PLEKHA7: variants seen among roughly 807,000 people sequenced by gnomAD.
PLEKHA7 encodes pleckstrin homology domain-containing family A member 7.
A neutral mutation model predicts 170.0 loss-of-function variants in PLEKHA7; 104 were observed. That is an observed-to-expected ratio of 0.61 (90% CI 0.52 to 0.72). PLEKHA7 has a LOEUF of 0.72. PLEKHA7 is among the 30% of genes least tolerant of loss of function. PLEKHA7 has a pLI of 0.00. For missense variants in PLEKHA7, 1,615 were observed against 1,671.7 expected, an observed-to-expected ratio of 0.97 and a Z score of 0.59; for synonymous variants, 648 against 660.8, an observed-to-expected ratio of 0.98 and a Z score of 0.30.
At chr11:16,805,878 C>T (rs1225005729) in intron 13 of PLEKHA7, among the ~76,000 whole-genome samples, 2 of 152,002 alleles carry the variant, frequency 1.3e-5, no homozygotes, top group South Asian at 2.1e-4. Flanking sequence ...ACTATAAGCT[C>T]GACTGACACG....
intron 13 of PLEKHA7, chr11:16,803,644 G>T: frequency 3.4e-6 from 1 of 294,688 alleles, no homozygotes. Flanking sequence ...CGATAAGACA[G>T]AGGTGTACTA....
Position 16,790,818 on chromosome 11 carries a change from T to C in PLEKHA7, c.3032A>G (p.Tyr1011Cys), listed in dbSNP as rs1590127351. Reference sequence around the variant, plus strand: ...CTTACCTCTGCCTGGCAGCGTCTGGTACCTGCTCTCAGGGCCCACAAGTCC... The same window carrying C: ...CTTACCTCTGCCTGGCAGCGTCTGGCACCTGCTCTCAGGGCCCACAAGTCC... ...SLGLVGPESR[Y>C]QTLPGRGLSG... The change falls in exon 21 of 27, where the codon TAC becomes TGC. Residue 1011 changes from tyrosine to cysteine, a missense_variant. Coordinates refer to ENST00000531066, the MANE Select transcript of PLEKHA7 (RefSeq NM_001329630.2). 6.2e-7 allele frequency: 1 copy of C among 1,608,942 alleles called. No individual in the cohort carries two copies. The highest frequency in any genetic ancestry group is 8.5e-7 in the Non-Finnish European group (1 of 1,177,914).
intron 3 of PLEKHA7, among the ~76,000 whole-genome samples, chr11:16,966,654 G>A (rs1270095505): frequency 6.6e-6 from 1 of 152,038 alleles, no homozygotes; most frequent in African/African-American, 2.4e-5. Context: ...TCCAAGTGGA[G>A]CCTTGGGTTC....
chr11:16,960,265 A>G (rs1423941031), intron 3 of PLEKHA7, among the ~76,000 whole-genome samples: 6 of 152,158 alleles, frequency 3.9e-5, no homozygotes, highest in Non-Finnish European at 7.3e-5. Flanking sequence ...CCAGGACTCA[A>G]GTCCCACCCG....
At chr11:16,992,047 C>A (rs976600362) in intron 3 of PLEKHA7, among the ~76,000 whole-genome samples, 1 of 150,658 alleles carries the variant, frequency 6.6e-6, no homozygotes, top group African/African-American at 2.4e-5. Context: ...CTGGGTAGGC[C>A]AAAGGACAAA....
rs374589598 is a variant in PLEKHA7, at chr11:16,915,512, C to A, written c.222-44330G>T. On this transcript the variant is annotated intron_variant, in intron 3 of 26. Transcript: ENST00000531066. ...TATCTCCCAATGCTATCCCTCCCCC[C>A]TCCCCCCACCCCACAACAGTCCCCA... 4.4e-4 allele frequency among the ~76,000 whole-genome samples: 49 copies of A among 112,574 alleles called. No homozygotes were observed. In the South Asian group the frequency reaches 0.019, roughly 43 times the overall value. The allele number at this position is 112,574 out of a possible 152,430, so 73.9% of individuals were successfully genotyped here. A position where few individuals can be genotyped will look rare whatever the true frequency, so the allele number is the denominator to read the frequency against.
At position 16,922,530 on chromosome 11, in the gene PLEKHA7, C is replaced by T. The variant is rs1359781388; in HGVS notation, c.222-51348G>A. On this transcript the variant is annotated intron_variant, in intron 3 of 26. Transcript: ENST00000531066. ...TTCCTGGGTACTCACAGGGTATAGG[C>T]CTGGAACACTGGCTTCTTTTCCCTT... 6.6e-5 allele frequency among the ~76,000 whole-genome samples: 10 copies of T among 152,306 alleles called. No individual in the cohort carries two copies. The East Asian group carries it at 1.5e-3, about 23-fold the overall frequency.
chr11:16,837,430 C>T (rs1175225185), intron 9 of PLEKHA7, among the ~76,000 whole-genome samples: 2 of 152,152 alleles, frequency 1.3e-5, no homozygotes, highest in Non-Finnish European at 2.9e-5. Flanking sequence ...GCATCCTAGT[C>T]AGCCACAATG....
rs529168862 is a variant in PLEKHA7 at position 16,782,518 on chromosome 11, T to G, written c.3793+236A>C. ...TGGGACCTTTTTCCCCAGACACTTC[T>G]GAGCTTCTGGGCCCCCTTGGTCTCC... On this transcript the variant is annotated intron_variant, in intron 26 of 26. Coordinates refer to ENST00000531066, the MANE Select transcript of PLEKHA7 (RefSeq NM_001329630.2). 3.9e-5 allele frequency among the ~76,000 whole-genome samples: 6 copies of G among 152,336 alleles called. No individual in the cohort carries two copies. In the East Asian group the frequency reaches 1.2e-3, roughly 29 times the overall value.
At chr11:16,818,544 C>T (rs2134746673) in intron 10 of PLEKHA7, among the ~76,000 whole-genome samples, 1 of 152,314 alleles carries the variant, frequency 6.6e-6, no homozygotes, top group South Asian at 2.1e-4. Context: ...CTCTGTTTGA[C>T]CTCGTCATCA....
chr11:16,954,226 C>G (rs542959369), intron 3 of PLEKHA7, among the ~76,000 whole-genome samples: 3 of 152,154 alleles, frequency 2.0e-5, no homozygotes, highest in African/African-American at 7.2e-5. Flanking sequence ...CAATAAAGAA[C>G]CAATAATGGC....
At chr11:16,919,682 G>A (rs7394865) in intron 3 of PLEKHA7, among the ~76,000 whole-genome samples, 138,104 of 152,060 alleles carry the variant, frequency 0.91, 63,223 homozygotes, top group Middle Eastern at 0.97. Context: ...AAAAATTTGA[G>A]AAAAAAAGAA....
rs893803722 is a variant in PLEKHA7 at position 16,791,443 on chromosome 11, T to C, written c.2746-244A>G. 8.0e-6 allele frequency: 5 copies of C among 626,432 alleles called. No homozygotes were observed. Among genetic ancestry groups the C allele is most frequent in the South Asian group, 1.7e-5 (1 of 57,532 alleles). 38.8% of individuals were successfully genotyped at this position (626,432 alleles called of 1,614,324 possible). Reference sequence around the variant, plus strand: ...TTCCTCCAAGTGTTACCTGTATAACTGTGTCCTGAAACCCAGGACTCAGGT... The same window carrying C: ...TTCCTCCAAGTGTTACCTGTATAACCGTGTCCTGAAACCCAGGACTCAGGT... On this transcript the variant is annotated intron_variant, in intron 19 of 26. Transcript: ENST00000531066. This position sits in a 1 kb window ranked among gnomAD's most constrained non-coding sequence, Gnocchi z 4.5.
intron 4 of PLEKHA7, among the ~76,000 whole-genome samples, chr11:16,865,656 C>G (rs550681164): frequency 1.3e-5 from 2 of 151,284 alleles, no homozygotes; most frequent in African/African-American, 4.8e-5. Context: ...AAGATCACAC[C>G]ACTGCACTCC....
rs141812964 is a variant in PLEKHA7 at position 16,921,797 on chromosome 11, G to A, written c.222-50615C>T. Among the ~76,000 whole-genome samples the A allele has an allele frequency of 1.4e-3, 219 of 152,304 alleles. 2 individuals carry two copies. Among genetic ancestry groups the A allele is most frequent in the Non-Finnish European group, 2.5e-3 (171 of 68,034 alleles). On this transcript the variant is annotated intron_variant, in intron 3 of 26. Transcript: ENST00000531066. ...AATGCTGCATTACAGTTGAGCATAC[G>A]TTGTCCTGTTTGAGCATAAGAACAA...
chr11:16,852,075 C>G (rs1853014376), intron 7 of PLEKHA7, among the ~76,000 whole-genome samples: 1 of 152,182 alleles, frequency 6.6e-6, no homozygotes, highest in Non-Finnish European at 1.5e-5. Flanking sequence ...TCCAGAGTAC[C>G]TCAAAGGTGG....
chr11:16,876,581 G>A (rs2087328588), intron 3 of PLEKHA7, among the ~76,000 whole-genome samples: 1 of 152,204 alleles, frequency 6.6e-6, no homozygotes, highest in South Asian at 2.1e-4. Flanking sequence ...GTCTTCACAA[G>A]CCCTGGGCCA....
intron 3 of PLEKHA7, among the ~76,000 whole-genome samples, chr11:16,921,875 A>C (rs553834514): frequency 5.9e-5 from 9 of 152,340 alleles, no homozygotes; most frequent in African/African-American, 1.9e-4. Flanking sequence ...AAAGAGATAA[A>C]AGGACTCGTC....
Position 16,817,362 on chromosome 11 carries a change from A to AG in PLEKHA7, c.1344-41dup. On this transcript the variant is annotated intron_variant, in intron 10 of 26. Coordinates refer to ENST00000531066, the MANE Select transcript of PLEKHA7 (RefSeq NM_001329630.2). This position sits in a 1 kb window ranked among gnomAD's most constrained non-coding sequence, Gnocchi z 4.4. The stretch of plus-strand genomic sequence containing the variant: ...TAAGAACGGGTCAGGCAACCAAGCG[A>AG]GGGTTCTGCAGGCTTTGGGGAACAT... 1.3e-6 allele frequency: 2 copies of AG among 1,545,160 alleles called. No homozygotes were observed. Among genetic ancestry groups the AG allele is most frequent in the Non-Finnish European group, 1.7e-6 (2 of 1,145,758 alleles).
Sources: allele counts gnomAD v4.1 joint callset (sites outside exome capture counted in the v4.1 genomes callset), GRCh38; gene constraint gnomAD v4.1.1; non-coding constraint Gnocchi (gnomAD v3.1); transcripts MANE v1.5; gene names NCBI Gene and HGNC (gene_info 2026-07-23, HGNC 2026-07-21).